SREBF2: variants seen among roughly 807,000 people sequenced by gnomAD.
SREBF2 encodes sterol regulatory element-binding protein 2.
In SREBF2, 55 loss-of-function variants were observed where a neutral mutation model predicts 113.1. That is an observed-to-expected ratio of 0.49 (90% confidence interval 0.39 to 0.61). The LOEUF (loss-of-function observed/expected upper bound fraction) is 0.61. Among genes scored for constraint, SREBF2 ranks in the 20% least tolerant of loss-of-function variants. The probability of loss-of-function intolerance (pLI) is 0.00; values close to 1 mark genes in which losing one functional copy is unlikely to be tolerated. For missense variants in SREBF2, 1,349 were observed against 1,487.4 expected, an observed-to-expected ratio of 0.91 and a Z score of 1.53; for synonymous variants, 593 against 605.7, an observed-to-expected ratio of 0.98 and a Z score of 0.31.
In SREBF2 at chr22:41,905,695, C is replaced by G. The variant is rs368111329; in HGVS notation, c.*35C>G. 1 of 1,536,304 alleles carries G rather than the reference C, an allele frequency of 6.5e-7. No individual in the cohort carries two copies. Among genetic ancestry groups the G allele is most frequent in the South Asian group, 1.2e-5 (1 of 83,764 alleles). On this transcript the variant is annotated 3_prime_UTR_variant, in exon 19 of 19. Coordinates refer to ENST00000361204, the MANE Select transcript of SREBF2 (RefSeq NM_004599.4). The stretch of plus-strand genomic sequence containing the variant: ...TCAGCCCACCCCTCCACCTCTCTCT[C>G]GATTTCTCTCTCTCCCCCTCAGCAT...
At position 41,903,071 on chromosome 22, in the gene SREBF2, G is replaced by C. The variant is rs746516454; in HGVS notation, c.3009G>C (p.Ala1003=). The part of the protein sequence containing the change: ...ASQAVGETYH[A]SGAELAGFQR... ...AGGCTGTGGGGGAGACCTACCACGC[G>C]TCAGGCGCTGAACTGGCGGGCTTCC... is the stretch of plus-strand genomic sequence containing the variant. Residue 1003 remains alanine, a synonymous_variant, in exon 17 of 19, where the codon GCG becomes GCC. Transcript: ENST00000361204. 1.6e-5 allele frequency: 26 copies of C among 1,597,014 alleles called. No homozygotes were observed. Among genetic ancestry groups the C allele is most frequent in the Non-Finnish European group, 2.2e-5 (26 of 1,171,796 alleles).
intron 12 of SREBF2, among the ~76,000 whole-genome samples, chr22:41,893,503 T>C (rs2077383956): frequency 1.3e-5 from 2 of 152,154 alleles, no homozygotes; most frequent in Non-Finnish European, 2.9e-5. Flanking sequence ...GTGGCTAAGC[T>C]GGGTGTGCAG....
chr22:41,903,051 G>T lies in SREBF2; in HGVS notation c.2989G>T (p.Val997Leu), dbSNP rs766709095. ...AAAACAGGCCAGTGCCAGCCAGGCTGTGGGGGAGACCTACCACGCGTCAGG... is the reference window on the plus strand; with the variant it reads ...AAAACAGGCCAGTGCCAGCCAGGCTTTGGGGGAGACCTACCACGCGTCAGG... Reference protein sequence around the residue: ...WQKQASASQAVGETYHASGAE... With the variant: ...WQKQASASQALGETYHASGAE... The change falls in exon 17 of 19, where the codon GTG becomes TTG. Residue 997 changes from valine (V) to leucine (L), a missense_variant. Around this residue, in one of 2 missense-constraint regions of SREBF2, gnomAD observed 650 missense variants for 644.1 expected, o/e 1.01. Coordinates refer to ENST00000361204, the MANE Select transcript of SREBF2 (RefSeq NM_004599.4). The T allele has an allele frequency of 4.4e-6, 7 of 1,607,396 alleles. No individual in the cohort carries two copies. Among genetic ancestry groups the T allele is most frequent in the Non-Finnish European group, 5.9e-6 (7 of 1,177,294 alleles).
Position 41,907,105 on chromosome 22 carries a change from TCCC to T in SREBF2, c.*1447_*1449del. 6.6e-6 allele frequency: 1 copy of T among 152,230 alleles called. No individual in the cohort carries two copies. Among genetic ancestry groups the T allele is most frequent in the African/African-American group, 2.4e-5 (1 of 41,516 alleles). 9.4% of individuals were successfully genotyped at this position (152,230 alleles called of 1,614,324 possible). ...ACCTGCTTTCTTTCTCTCCTGCCCCTCCCCTACTCTCACTGTAATTTATGGACC... is the reference window on the plus strand; with the variant it reads ...ACCTGCTTTCTTTCTCTCCTGCCCCTCTACTCTCACTGTAATTTATGGACC... On this transcript the variant is annotated 3_prime_UTR_variant, in exon 19 of 19. Coordinates refer to ENST00000361204, the MANE Select transcript of SREBF2 (RefSeq NM_004599.4).
chr22:41,870,073 C>T (rs1264950424), intron 3 of SREBF2, among the ~76,000 whole-genome samples: 4 of 151,898 alleles, frequency 2.6e-5, no homozygotes, highest in South Asian at 2.1e-4. Context: ...TTAGGCTGGT[C>T]TCAAACTCCT....
chr22:41,892,116 C>A (rs565784627), intron 11 of SREBF2, among the ~76,000 whole-genome samples: 16 of 152,280 alleles, frequency 1.1e-4, no homozygotes, highest in Non-Finnish European at 2.2e-4. Context: ...TAGGGGGCCG[C>A]CCTTGCAGGG....
At chr22:41,848,960 A>G (rs1160216834) in intron 1 of SREBF2, among the ~76,000 whole-genome samples, 2 of 152,182 alleles carry the variant, frequency 1.3e-5, no homozygotes, top group Non-Finnish European at 2.9e-5. Context: ...AGAAGTGTTA[A>G]AAGGAAAAAT....
At chr22:41,870,493 G>T (rs2148382419) in intron 3 of SREBF2, among the ~76,000 whole-genome samples, 2 of 152,176 alleles carry the variant, frequency 1.3e-5, no homozygotes, top group South Asian at 4.2e-4. Context: ...AGGCATGGTG[G>T]CACACACCTG....
chr22:41,871,103 A>C, intron 4 of SREBF2, 68 bp downstream of exon 4: 2 of 1,601,908 alleles, frequency 1.2e-6, no homozygotes, highest in East Asian at 4.5e-5. Context: ...GTCTTCAGAG[A>C]TGTTAAATCT....
chr22:41,879,807 C>A (rs954167679), intron 9 of SREBF2, among the ~76,000 whole-genome samples: 1 of 152,188 alleles, frequency 6.6e-6, no homozygotes, highest in Non-Finnish European at 1.5e-5. Context: ...AGCGAGCGGT[C>A]TCCAGTACAG....
intron 1 of SREBF2, among the ~76,000 whole-genome samples, chr22:41,839,148 G>A (rs147749828): frequency 6.6e-6 from 1 of 152,270 alleles, no homozygotes; most frequent in East Asian, 1.9e-4. Context: ...AGCAGAGGGA[G>A]AATTCTAAGA....
At chr22:41,901,646 G>C (rs2077466304) in intron 16 of SREBF2, among the ~76,000 whole-genome samples, 1 of 152,190 alleles carries the variant, frequency 6.6e-6, no homozygotes, top group African/African-American at 2.4e-5. Flanking sequence ...GGGCAACAGA[G>C]CGAGACTCCA....
At chr22:41,859,099 G>A (rs2077002446) in intron 1 of SREBF2, among the ~76,000 whole-genome samples, 1 of 151,094 alleles carries the variant, frequency 6.6e-6, no homozygotes, top group Admixed American at 6.6e-5. Context: ...CTCCAGCCTG[G>A]GCGACAGAGC....
intron 1 of SREBF2, chr22:41,834,804 G>A (rs1479407975): frequency 6.6e-6 from 1 of 152,210 alleles, no homozygotes; most frequent in African/African-American, 2.4e-5. Context: ...TTAACAAATG[G>A]GGGATGGGGT....
intron 4 of SREBF2, 83 bp from the exon 5 acceptor site, chr22:41,873,715 C>A: frequency 6.9e-7 from 1 of 1,439,648 alleles, no homozygotes; most frequent in Non-Finnish European, 9.5e-7. Context: ...CAGCACTTGG[C>A]CAAAGCGGGC....
intron 4 of SREBF2, 45 bp downstream of exon 4, chr22:41,871,080 C>T (rs2077136277): frequency 6.2e-7 from 1 of 1,609,758 alleles, no homozygotes. Context: ...CCCCTTTATT[C>T]CTGGAGGTGT....
rs1224593835 is a variant in SREBF2, at chr22:41,897,106, T to C, written c.2550T>C (p.Ser850=). 1.2e-6 allele frequency: 2 copies of C among 1,613,000 alleles called. No homozygotes were observed. Residue 850 remains serine, a synonymous_variant, in exon 14 of 19, where the codon TCT becomes TCC. Transcript: ENST00000361204. ...AATTACTTCATTCTTTTGTGGACTC[T>C]GTGGGGGTTATGAGCCCCCCACTCT... ...YLKLLHSFVD[S]VGVMSPPLSR...
chr22:41,883,649 A>G (rs13055841), intron 10 of SREBF2, among the ~76,000 whole-genome samples: 41,928 of 152,082 alleles, frequency 0.28, 6,202 homozygotes, highest in Non-Finnish European at 0.33. Context: ...TGGTTGCCAC[A>G]CTGCCCTCTC....
In SREBF2 at chr22:41,897,110, G is replaced by A. The variant is rs367988610; in HGVS notation, c.2554G>A (p.Gly852Arg). ...ACTTCATTCTTTTGTGGACTCTGTG[G>A]GGGTTATGAGCCCCCCACTCTCCAG... ...KLLHSFVDSVGVMSPPLSRSS... is the reference protein window; with the variant it reads ...KLLHSFVDSVRVMSPPLSRSS... The change falls in exon 14 of 19, where the codon GGG becomes AGG. Residue 852 changes from glycine to arginine, a missense_variant. Gly to Arg is a moderately radical substitution (Grantham distance 125). Around this residue, in one of 2 missense-constraint regions of SREBF2, gnomAD observed 650 missense variants for 644.1 expected, o/e 1.01. Coordinates refer to ENST00000361204, the MANE Select transcript of SREBF2 (RefSeq NM_004599.4). 68 of 1,612,564 alleles carry A rather than the reference G, an allele frequency of 4.2e-5. No homozygotes were observed. Among genetic ancestry groups the A allele is most frequent in the Non-Finnish European group, 2.5e-5 (30 of 1,179,920 alleles).
Sources: allele counts gnomAD v4.1 joint callset (sites outside exome capture counted in the v4.1 genomes callset), GRCh38; gene constraint gnomAD v4.1.1; regional missense constraint gnomAD v4.1.1; transcripts MANE v1.5; gene names NCBI Gene and HGNC (gene_info 2026-07-23, HGNC 2026-07-21).